The following INTS15 variants were observed in gnomAD, a reference collection of about 807,000 sequenced individuals.
INTS15 encodes the protein integrator complex subunit 15, also known as uncharacterized protein C7orf26.
the INTS15 span, chr7:6,608,076 A>AACCCCCCCCCCCC: frequency 8.7e-7 from 1 of 1,143,488 alleles, no homozygotes; most frequent in Non-Finnish European, 1.2e-6. Context: ...GTCCCGGCCC[A>AACCCCCCCCCCCC]CCCCGCCGCC....
chr7:6,592,400 C>T, the INTS15 span, among the ~76,000 whole-genome samples: 1 of 151,696 alleles, frequency 6.6e-6, no homozygotes, highest in Non-Finnish European at 1.5e-5. Flanking sequence ...AACCCTGTCT[C>T]TACTGAAAAT....
chr7:6,592,297 G>T, the INTS15 span, among the ~76,000 whole-genome samples: 1 of 151,990 alleles, frequency 6.6e-6, no homozygotes, highest in Non-Finnish European at 1.5e-5. Flanking sequence ...CATGCTTAGT[G>T]GTTCACTCCT....
the INTS15 span, among the ~76,000 whole-genome samples, chr7:6,606,422 G>T: frequency 6.6e-6 from 1 of 152,180 alleles, no homozygotes; most frequent in East Asian, 1.9e-4. Flanking sequence ...AAAACGGGTT[G>T]TTGTGGGACC....
the INTS15 span, chr7:6,590,309 T>C: frequency 9.5e-6 from 15 of 1,585,446 alleles, no homozygotes; most frequent in Non-Finnish European, 1.3e-5. Context: ...CACTCGCTGC[T>C]GCGCCGCGAT....
At chr7:6,590,429 A>G in the INTS15 span, 1 of 1,602,334 alleles carries the variant, frequency 6.2e-7, no homozygotes, top group Non-Finnish European at 8.5e-7. Context: ...GAGCTGCTGG[A>G]GGAGTTCGTG....
chr7:6,590,803 C>T, the INTS15 span, among the ~76,000 whole-genome samples: 36 of 152,040 alleles, frequency 2.4e-4, 1 homozygote, highest in East Asian at 6.4e-3. Context: ...ATCTGTATGG[C>T]TTTCTTCTTA....
the INTS15 span, chr7:6,607,768 C>A: frequency 7.4e-6 from 11 of 1,484,314 alleles, no homozygotes; most frequent in African/African-American, 8.4e-5. This position sits in a 1 kb window ranked among gnomAD's most constrained non-coding sequence, Gnocchi z 6.0. Flanking sequence ...GAGCCCACTC[C>A]CACGCATCCT....
the INTS15 span, among the ~76,000 whole-genome samples, chr7:6,597,709 C>CA: frequency 8.0e-6 from 1 of 125,590 alleles, no homozygotes. Flanking sequence ...ATGCCACTGA[C>CA]ACAGCACAGC....
chr7:6,593,262 G>A, the INTS15 span, among the ~76,000 whole-genome samples: 13 of 151,750 alleles, frequency 8.6e-5, no homozygotes, highest in South Asian at 1.9e-3. Context: ...ACGAATAAGC[G>A]CGATCACGTC....
chr7:6,594,173 T>G, the INTS15 span, among the ~76,000 whole-genome samples: 15 of 151,474 alleles, frequency 9.9e-5, no homozygotes, highest in Non-Finnish European at 1.5e-4. Context: ...CATTCCCAGT[T>G]AATTTTGTAT....
the INTS15 span, among the ~76,000 whole-genome samples, chr7:6,593,886 A>G: frequency 9.4e-5 from 14 of 149,386 alleles, no homozygotes; most frequent in Admixed American, 8.7e-4. Context: ...GCTGGGCTCA[A>G]GTGATCCTCC....
At chr7:6,602,198 C>A in the INTS15 span, 2 of 1,453,044 alleles carry the variant, frequency 1.4e-6, no homozygotes, top group Non-Finnish European at 1.9e-6. Flanking sequence ...TGGAGGGAGG[C>A]AAGACAGGGC....
chr7:6,598,801 T>TC, the INTS15 span, among the ~76,000 whole-genome samples: 2 of 136,558 alleles, frequency 1.5e-5, no homozygotes, highest in Admixed American at 8.0e-5. Flanking sequence ...TTTTTTTTTT[T>TC]CCTGAGGCAG....
At chr7:6,590,543 C>G in the INTS15 span, 1 of 1,451,882 alleles carries the variant, frequency 6.9e-7, no homozygotes, top group Non-Finnish European at 9.1e-7. Context: ...CCCAGCGATG[C>G]AGGGCTGTGT....
the INTS15 span, among the ~76,000 whole-genome samples, chr7:6,596,298 C>G: frequency 7.9e-5 from 12 of 151,994 alleles, no homozygotes; most frequent in African/African-American, 2.9e-4. Context: ...TCCTGATCCA[C>G]CCATCTCGGC....
the INTS15 span, among the ~76,000 whole-genome samples, chr7:6,595,907 C>T: frequency 1.3e-5 from 2 of 152,152 alleles, no homozygotes; most frequent in African/African-American, 4.8e-5. Flanking sequence ...TTGGCTGTTG[C>T]TGCTCACAGG....
At chr7:6,591,710 C>T in the INTS15 span, 86 of 1,614,044 alleles carry the variant, frequency 5.3e-5, no homozygotes, top group Non-Finnish European at 5.5e-5. Flanking sequence ...CAGGAGCAAA[C>T]CAAGGACTCT....
chr7:6,590,390 C>T, the INTS15 span: 7 of 1,606,678 alleles, frequency 4.4e-6, no homozygotes, highest in Admixed American at 1.7e-5. Flanking sequence ...CAGAGCGCGC[C>T]GCTGCCCATC....
chr7:6,594,975 G>A, the INTS15 span, among the ~76,000 whole-genome samples: 3 of 151,968 alleles, frequency 2.0e-5, no homozygotes, highest in East Asian at 1.9e-4. Context: ...TGATCCACCC[G>A]CCTCGGCCTC....
Sources: allele counts gnomAD v4.1 joint callset (sites outside exome capture counted in the v4.1 genomes callset), GRCh38; gene constraint gnomAD v4.1.1; non-coding constraint Gnocchi (gnomAD v3.1); transcripts MANE v1.5; gene names NCBI Gene and HGNC (gene_info 2026-07-23, HGNC 2026-07-21).